TPO: variants seen among roughly 807,000 people sequenced by gnomAD.
TPO encodes the protein thyroid peroxidase.
A neutral mutation model predicts 96.9 loss-of-function variants in TPO; 78 were observed. The observed-to-expected ratio is 0.81, with a 90% CI of 0.67 to 0.97. The LOEUF is 0.97. Among genes scored for constraint, TPO ranks in the 50% least tolerant of loss-of-function variants. The pLI, the probability that TPO is intolerant of heterozygous loss-of-function variation, is 0.00. For missense variants in TPO, 1,252 were observed against 1,274.8 expected, an observed-to-expected ratio of 0.98 and a Z score of 0.27; for synonymous variants, 547 against 538.0, an observed-to-expected ratio of 1.02 and a Z score of -0.23.
At chr2:1,464,658 G>A (rs1397148205) in intron 7 of TPO, among the ~76,000 whole-genome samples, 5 of 152,128 alleles carry the variant, frequency 3.3e-5, no homozygotes, top group Non-Finnish European at 5.9e-5. Flanking sequence ...CATTAGTGAT[G>A]AGCATTTTTT....
At chr2:1,433,822 C>A (rs1029011299) in intron 4 of TPO, among the ~76,000 whole-genome samples, 9 of 152,224 alleles carry the variant, frequency 5.9e-5, no homozygotes, top group African/African-American at 1.9e-4. Context: ...ATAGCCATTT[C>A]TCTCCTATCC....
At position 1,534,201 on chromosome 2, in the gene TPO, C is replaced by A. The variant is rs1448369692; in HGVS notation, c.2619-6393C>A. On this transcript the variant is annotated intron_variant, in intron 15 of 16. Coordinates refer to ENST00000329066, the MANE Select transcript of TPO (RefSeq NM_001206744.2). ...ACCTCCCAAATCCCCCGTGTGCAACCCCCCAATCTCCCCCACTGTGTGCAA... is the reference window on the plus strand; with the variant it reads ...ACCTCCCAAATCCCCCGTGTGCAACACCCCAATCTCCCCCACTGTGTGCAA... Among the ~76,000 whole-genome samples, 12 of 61,560 alleles carry A rather than the reference C, an allele frequency of 1.9e-4. 1 individual carries two copies. Among genetic ancestry groups the A allele is most frequent in the Non-Finnish European group, 2.5e-4 (8 of 31,540 alleles). The allele number at this position is 61,560 out of a possible 152,430, so 40.4% of individuals were successfully genotyped here.
intron 15 of TPO, among the ~76,000 whole-genome samples, chr2:1,530,147 C>A (rs1332044439): frequency 1.7e-5 from 2 of 120,390 alleles, no homozygotes; most frequent in South Asian, 2.8e-4. Context: ...AAAATCTCCC[C>A]CACTATGTGC....
At chr2:1,516,680 C>T (rs1000539503) in intron 14 of TPO, among the ~76,000 whole-genome samples, 1 of 152,220 alleles carries the variant, frequency 6.6e-6, no homozygotes, top group Non-Finnish European at 1.5e-5. Flanking sequence ...CCTGCTGGCT[C>T]TCCCCACACA....
intron 7 of TPO, among the ~76,000 whole-genome samples, chr2:1,470,491 A>G (rs1319579631): frequency 6.6e-6 from 1 of 151,142 alleles, no homozygotes; most frequent in Non-Finnish European, 1.5e-5. Flanking sequence ...CTACATTGTT[A>G]TCTTACTGAG....
chr2:1,495,199 G>C (rs1672203530), intron 11 of TPO, among the ~76,000 whole-genome samples: 1 of 152,154 alleles, frequency 6.6e-6, no homozygotes. Flanking sequence ...TCTCCCCAAT[G>C]CAAAAATGGG....
At chr2:1,496,448 G>A (rs1028068938) in intron 12 of TPO, 147 bp from the exon 13 acceptor site, 30 of 1,181,812 alleles carry the variant, frequency 2.5e-5, no homozygotes, top group African/African-American at 2.4e-4. Flanking sequence ...TGTGTGCTGC[G>A]TGGGTGCTCA....
chr2:1,542,830 G>A lies in TPO; in HGVS notation c.*356G>A, dbSNP rs112531764. Reference sequence around the variant, plus strand: ...GTGCTCGTCTGCACTCTGCCCCGGCGGTCCCTCCAGCACTGGTTTTTCCAC... The same window carrying A: ...GTGCTCGTCTGCACTCTGCCCCGGCAGTCCCTCCAGCACTGGTTTTTCCAC... On this transcript the variant is annotated 3_prime_UTR_variant, in exon 17 of 17. Transcript: ENST00000329066. 1.1e-3 allele frequency: 496 copies of A among 432,750 alleles called. 6 individuals are homozygous for A. The highest frequency in any genetic ancestry group is 9.4e-3 in the African/African-American group (465 of 49,432). The allele number at this position is 432,750 out of a possible 1,614,324, so 26.8% of individuals were successfully genotyped here.
At chr2:1,516,285 T>C (rs574410768) in intron 14 of TPO, among the ~76,000 whole-genome samples, 1 of 152,294 alleles carries the variant, frequency 6.6e-6, no homozygotes, top group African/African-American at 2.4e-5. Context: ...GGTTTCTTTC[T>C]GGAATTGGCT....
At chr2:1,506,230 T>C (rs1673448042) in intron 14 of TPO, among the ~76,000 whole-genome samples, 1 of 152,000 alleles carries the variant, frequency 6.6e-6, no homozygotes, top group Non-Finnish European at 1.5e-5. Context: ...CATTTATGGC[T>C]GCATAGTATT....
At chr2:1,475,878 C>T (rs983807872) in intron 7 of TPO, among the ~76,000 whole-genome samples, 1 of 152,226 alleles carries the variant, frequency 6.6e-6, no homozygotes, top group Non-Finnish European at 1.5e-5. Context: ...CAGGCCTGGG[C>T]GCTGCCCAGA....
chr2:1,458,128 G>A (rs571962983), intron 7 of TPO, among the ~76,000 whole-genome samples: 150 of 151,808 alleles, frequency 9.9e-4, no homozygotes, highest in East Asian at 5.8e-4. Flanking sequence ...GTGCAGGCAC[G>A]TGTGTATATG....
intron 1 of TPO, among the ~76,000 whole-genome samples, chr2:1,390,553 G>A (rs370600905): frequency 1.3e-5 from 2 of 152,338 alleles, no homozygotes; most frequent in East Asian, 3.9e-4. Flanking sequence ...CCAGTAATGG[G>A]ATTGCTGGGT....
intron 2 of TPO, among the ~76,000 whole-genome samples, chr2:1,415,064 G>C (rs1370694592): frequency 6.6e-6 from 1 of 152,144 alleles, no homozygotes; most frequent in East Asian, 1.9e-4. Context: ...CGCTGGGCAG[G>C]TCCCTGGGCC....
At chr2:1,480,401 C>G (rs1228421649) in intron 8 of TPO, among the ~76,000 whole-genome samples, 1 of 152,022 alleles carries the variant, frequency 6.6e-6, no homozygotes, top group Non-Finnish European at 1.5e-5. Flanking sequence ...GGCCTGGAAG[C>G]CTCATTTTTC....
At chr2:1,435,396 T>G (rs930792683) in intron 4 of TPO, among the ~76,000 whole-genome samples, 14 of 152,236 alleles carry the variant, frequency 9.2e-5, no homozygotes, top group Non-Finnish European at 1.8e-4. Flanking sequence ...CATAGAGCCA[T>G]TCCCGTTGGA....
chr2:1,397,711 C>A (rs1269343185), intron 1 of TPO, among the ~76,000 whole-genome samples: 3 of 152,206 alleles, frequency 2.0e-5, no homozygotes, highest in Non-Finnish European at 2.9e-5. Context: ...CTCCCACCCC[C>A]GGGTCCTGAT....
chr2:1,478,548 A>C (rs1306164961), intron 8 of TPO, among the ~76,000 whole-genome samples: 1 of 152,228 alleles, frequency 6.6e-6, no homozygotes, highest in African/African-American at 2.4e-5. Flanking sequence ...CCAGGCCCCA[A>C]AGGTCAGAGC....
chr2:1,523,800 A>G (rs1675762044), intron 15 of TPO, among the ~76,000 whole-genome samples: 1 of 105,928 alleles, frequency 9.4e-6, no homozygotes. Flanking sequence ...ACTGTGTGCA[A>G]CCTCCCCAAA....
Sources: gnomAD v4.1 joint callset for allele counts (sites outside exome capture counted in the v4.1 genomes callset) on GRCh38, gnomAD v4.1.1 for gene constraint, MANE v1.5 for transcripts, NCBI Gene and HGNC (gene_info 2026-07-23, HGNC 2026-07-21) for gene names.